The following NEMF variants were observed in gnomAD, a reference collection of about 807,000 sequenced individuals.
NEMF encodes ribosome quality control complex subunit NEMF.
A neutral mutation model predicts 162.2 loss-of-function variants in NEMF; 89 were observed. That is an observed-to-expected ratio of 0.55 (90% CI 0.46 to 0.65). The LOEUF is 0.65. NEMF is among the 30% of genes least tolerant of loss of function. The probability of loss-of-function intolerance (pLI) is 0.00; values close to 1 mark genes in which losing one functional copy is unlikely to be tolerated. For synonymous variants in NEMF, 421 were observed against 404.5 expected, an observed-to-expected ratio of 1.04 and a Z score of -0.49; for missense variants, 1,133 against 1,261.9, an observed-to-expected ratio of 0.90 and a Z score of 1.55.
intron 4 of NEMF, 122 bp from the exon 5 acceptor site, chr14:49,840,988 G>C (rs1213234989): frequency 1.3e-5 from 10 of 749,550 alleles, no homozygotes; most frequent in Non-Finnish European, 2.1e-5. Context: ...CTTGAGGTCA[G>C]GACTTTGAGA....
chr14:49,830,120 C>A (rs1046956923), intron 11 of NEMF, among the ~76,000 whole-genome samples: 1 of 152,060 alleles, frequency 6.6e-6, no homozygotes, highest in Non-Finnish European at 1.5e-5. Flanking sequence ...GTAATATCAT[C>A]AATTAATGAG....
At chr14:49,796,486 T>C (rs1040813808) in intron 25 of NEMF, among the ~76,000 whole-genome samples, 5 of 151,962 alleles carry the variant, frequency 3.3e-5, no homozygotes, top group Non-Finnish European at 5.9e-5. Flanking sequence ...TTTTTTTTTT[T>C]AAAACGGAGT....
chr14:49,806,242 ATATATATATATATATTTTTTTTT>A lies in NEMF; in HGVS notation c.1745-132_1745-110del, dbSNP rs1397378179. On this transcript the variant is annotated intron_variant, in intron 18 of 32. Transcript: ENST00000298310. ...GGGTCAATGATATGTGTATATATAT[ATATATATATATATATTTTTTTTT>A]TTTTTTTTTTTTTTGAGATGGAGTT... 5 of 13,218 alleles carry A rather than the reference ATATATATATATATATTTTTTTTT, an allele frequency of 3.8e-4. 1 individual carries two copies. The highest frequency in any genetic ancestry group is 8.2e-4 in the Non-Finnish European group (5 of 6,092). The allele number at this position is 13,218 out of a possible 1,614,324, so 0.8% of individuals were successfully genotyped here. A position where few individuals can be genotyped will look rare whatever the true frequency, so the allele number is the denominator to read the frequency against.
intron 29 of NEMF, 60 bp from the exon 30 acceptor site, chr14:49,785,380 A>G (rs1341966754): frequency 9.1e-7 from 1 of 1,095,138 alleles, no homozygotes; most frequent in Admixed American, 1.7e-5. Flanking sequence ...AAAAAATGCT[A>G]AAACACTTGA....
At position 49,789,173 on chromosome 14, in the gene NEMF, A is replaced by C; in HGVS notation, c.2868T>G (p.Phe956Leu). ...TGTCATCATGTGGATCATCTACAGC[A>C]AAGTCTTGTAACTCATGAGTTATAA... Reference protein sequence around the residue: ...LEVITHELQDFAVDDPHDDKE... With the variant: ...LEVITHELQDLAVDDPHDDKE... The change falls in exon 28 of 33, where the codon TTT (phenylalanine) becomes TTG (leucine). Residue 956 changes from phenylalanine (F) to leucine (L), a missense_variant. Phe to Leu is a conservative substitution (Grantham distance 22). Around this residue, in one of 3 missense-constraint regions of NEMF, gnomAD observed 532 missense variants for 578.6 expected, o/e 0.92. Coordinates refer to ENST00000298310, the MANE Select transcript of NEMF (RefSeq NM_004713.6). The C allele has an allele frequency of 5.6e-6, 9 of 1,613,976 alleles. No individual in the cohort carries two copies. The highest frequency in any genetic ancestry group is 7.6e-6 in the Non-Finnish European group (9 of 1,179,940).
At position 49,795,891 on chromosome 14, in the gene NEMF, T is replaced by G. The variant is rs1267106038; in HGVS notation, c.2519A>C (p.Glu840Ala). 6.2e-7 allele frequency: 1 copy of G among 1,612,470 alleles called. No homozygotes were observed. Among genetic ancestry groups the G allele is most frequent in the African/African-American group, 1.3e-5 (1 of 74,922 alleles). The change falls in exon 26 of 33, where the codon GAG (glutamate) becomes GCG (alanine). Residue 840 changes from glutamate (E) to alanine (A), a missense_variant. Physicochemically the swap from Glu to Ala is moderately radical, Grantham distance 107. Around this residue, in one of 3 missense-constraint regions of NEMF, gnomAD observed 532 missense variants for 578.6 expected, o/e 0.92. Transcript: ENST00000298310. Reference protein sequence around the residue: ...PSDSGDLEALEGKDKEKESTV... With the variant: ...PSDSGDLEALAGKDKEKESTV... ...ACTTTCTTTTTCTTTATCCTTTCCC[T>G]CTAACGCTTCTAAATCTCCTGAGTC...
chr14:49,839,154 T>G (rs1893068640), intron 5 of NEMF, among the ~76,000 whole-genome samples: 1 of 151,908 alleles, frequency 6.6e-6, no homozygotes. Context: ...CTCAGCTCAC[T>G]GCAACCTCTG....
intron 22 of NEMF, chr14:49,801,480 C>T (rs1405266285): frequency 2.8e-5 from 3 of 106,126 alleles, no homozygotes; most frequent in Non-Finnish European, 6.0e-5. Flanking sequence ...GACTGAGACT[C>T]CCTCTCGGGG....
At position 49,782,458 on chromosome 14, in the gene NEMF, G is replaced by GT; in HGVS notation, c.*2177dup. On this transcript the variant is annotated 3_prime_UTR_variant, in exon 33 of 33. Coordinates refer to ENST00000298310, the MANE Select transcript of NEMF (RefSeq NM_004713.6). ...CAACTTGCTTGTCCATCACAGAGCT[G>GT]TAAGTATACTACCTTCACATTATTA... 1 of 1,609,380 alleles carries GT rather than the reference G, an allele frequency of 6.2e-7. No individual in the cohort carries two copies. The highest frequency in any genetic ancestry group is 2.2e-5 in the East Asian group (1 of 44,820).
intron 15 of NEMF, among the ~76,000 whole-genome samples, chr14:49,827,588 G>C (rs186946876): frequency 1.3e-5 from 2 of 152,106 alleles, no homozygotes; most frequent in Non-Finnish European, 2.9e-5. Flanking sequence ...TGAAGCGGGC[G>C]GATCACCTGA....
At chr14:49,800,238 T>C (rs544263194) in intron 23 of NEMF, among the ~76,000 whole-genome samples, 182 bp downstream of exon 23, 1 of 152,276 alleles carries the variant, frequency 6.6e-6, no homozygotes, top group East Asian at 1.9e-4. Flanking sequence ...CTATATGCAC[T>C]GTATTTTTCT....
chr14:49,795,700 G>A (rs1031701698), intron 26 of NEMF, 91 bp downstream of exon 26: 1 of 1,182,052 alleles, frequency 8.5e-7, no homozygotes, highest in Non-Finnish European at 1.2e-6. Flanking sequence ...TTATTTTTTG[G>A]CCTACATTTT....
chr14:49,783,766 A>C lies in NEMF; in HGVS notation c.*870T>G, dbSNP rs1890028268. Reference sequence around the variant, plus strand: ...TGAATCAGATTACAAGGAAAAAATTAAGATCAAACCTGAAGGTCTACAAAT... The same window carrying C: ...TGAATCAGATTACAAGGAAAAAATTCAGATCAAACCTGAAGGTCTACAAAT... On this transcript the variant is annotated 3_prime_UTR_variant, in exon 33 of 33. Transcript: ENST00000298310. The C allele has an allele frequency of 6.6e-6, 1 of 152,172 alleles. No homozygotes were observed. The highest frequency in any genetic ancestry group is 2.4e-5 in the African/African-American group (1 of 41,448). 9.4% of individuals were successfully genotyped at this position (152,172 alleles called of 1,614,324 possible).
At chr14:49,803,852 C>T (rs1368194948) in intron 19 of NEMF, among the ~76,000 whole-genome samples, 1 of 151,764 alleles carries the variant, frequency 6.6e-6, no homozygotes, top group Admixed American at 6.6e-5. Flanking sequence ...GGACGACAGC[C>T]AGAACTGGTC....
In NEMF at chr14:49,825,896, G is replaced by A. The variant is rs1217410789; in HGVS notation, c.1548C>T (p.Thr516=). The change falls in exon 16 of 33, where the codon ACC becomes ACT. Residue 516 remains threonine (T), a synonymous_variant. Transcript: ENST00000298310. ...ATACTTTTCTTGCTTTTTGAATAGA[G>A]GTAACAGTCTGAACTTCTTTTAATG... ...KQTLKEVQTV[T]SIQKARKVYW... The A allele has an allele frequency of 1.2e-6, 2 of 1,609,116 alleles. No individual in the cohort carries two copies. The highest frequency in any genetic ancestry group is 1.1e-5 in the South Asian group (1 of 90,600).
Position 49,783,854 on chromosome 14 carries a change from A to T in NEMF, c.*782T>A, listed in dbSNP as rs1419696864. On this transcript the variant is annotated 3_prime_UTR_variant, in exon 33 of 33. Transcript: ENST00000298310. ...CTTATATTTTACATTTTGGTCTAAT[A>T]TTTTTTTCTGACAAGTATCAATGAA... The T allele has an allele frequency of 1.3e-5, 2 of 151,718 alleles. No individual in the cohort carries two copies. The highest frequency in any genetic ancestry group is 4.9e-5 in the African/African-American group (2 of 41,028). The allele number at this position is 151,718 out of a possible 1,614,324, so 9.4% of individuals were successfully genotyped here. A position where few individuals can be genotyped will look rare whatever the true frequency, so the allele number is the denominator to read the frequency against.
At position 49,828,273 on chromosome 14, in the gene NEMF, C is replaced by T; in HGVS notation, c.1488+18G>A. 1 of 1,561,710 alleles carries T rather than the reference C, an allele frequency of 6.4e-7. No individual in the cohort carries two copies. Among genetic ancestry groups the T allele is most frequent in the Non-Finnish European group, 8.8e-7 (1 of 1,132,990 alleles). On this transcript the variant is annotated intron_variant, in intron 15 of 32. Coordinates refer to ENST00000298310, the MANE Select transcript of NEMF (RefSeq NM_004713.6). ...CAGGCACAAACAACTAACATTCACT[C>T]TAAGAAATACTCAGTACCTTCTCAG...
intron 15 of NEMF, among the ~76,000 whole-genome samples, chr14:49,826,540 C>CAA (rs5808517): frequency 9.5e-5 from 7 of 73,556 alleles, no homozygotes; most frequent in East Asian, 3.8e-4. Context: ...GCATTACAAG[C>CAA]AAAAAAAAAA....
At chr14:49,846,087 C>CA (rs761147185) in intron 4 of NEMF, 53 bp downstream of exon 4, 3 of 1,549,164 alleles carry the variant, frequency 1.9e-6, no homozygotes, top group African/African-American at 2.7e-5. Flanking sequence ...AGCACTATTA[C>CA]AAAATGATTA....
Sources: allele counts gnomAD v4.1 joint callset (sites outside exome capture counted in the v4.1 genomes callset), GRCh38; gene constraint gnomAD v4.1.1; regional missense constraint gnomAD v4.1.1; transcripts MANE v1.5; gene names NCBI Gene and HGNC (gene_info 2026-07-23, HGNC 2026-07-21).